SPRR2G: variants seen among roughly 807,000 people sequenced by gnomAD.
SPRR2G encodes small proline rich protein 2G.
A neutral mutation model predicts 0.7 loss-of-function variants in SPRR2G; 1 was observed. The ratio of observed to expected loss-of-function variants is 1.49; its 90% CI spans 0.53 to 7.06. The LOEUF is 7.06. Ranked by LOEUF, SPRR2G falls within the 30% of genes most tolerant of loss-of-function variation. The pLI is 0.14. For synonymous variants in SPRR2G, 38 were observed against 33.9 expected, an observed-to-expected ratio of 1.12 and a Z score of -0.42; for missense variants, 96 against 88.5, an observed-to-expected ratio of 1.09 and a Z score of -0.34.
the SPRR2G span, among the ~76,000 whole-genome samples, chr1:153,173,593 C>T: frequency 1.3e-5 from 2 of 152,128 alleles, no homozygotes. Context: ...AGGGAGGCAA[C>T]CAGATTTATT....
the SPRR2G span, among the ~76,000 whole-genome samples, chr1:153,170,284 C>T: frequency 6.6e-6 from 1 of 151,970 alleles, no homozygotes; most frequent in Non-Finnish European, 1.5e-5. Context: ...CTCCAAAGCT[C>T]CTTGAAAAAA....
chr1:153,164,373 C>A, the SPRR2G span, among the ~76,000 whole-genome samples: 1 of 152,150 alleles, frequency 6.6e-6, no homozygotes, highest in Non-Finnish European at 1.5e-5. Context: ...AGCAACTATT[C>A]CTGGAGAAAG....
chr1:153,152,262 A>G (rs1656487132), upstream of SPRR2G, among the ~76,000 whole-genome samples: 1 of 152,202 alleles, frequency 6.6e-6, no homozygotes, highest in Non-Finnish European at 1.5e-5. Flanking sequence ...AGGCCTATCT[A>G]GTGAAGATCC....
At chr1:153,174,961 A>G in the SPRR2G span, among the ~76,000 whole-genome samples, 1 of 152,216 alleles carries the variant, frequency 6.6e-6, no homozygotes, top group East Asian at 1.9e-4. Context: ...CTCAGGCAGC[A>G]GGCTGTACCC....
the SPRR2G span, among the ~76,000 whole-genome samples, chr1:153,180,427 T>C: frequency 6.6e-6 from 1 of 152,204 alleles, no homozygotes; most frequent in Non-Finnish European, 1.5e-5. Context: ...TGATTCATTT[T>C]CTGGTTTGTA....
At chr1:153,162,027 T>A in the SPRR2G span, among the ~76,000 whole-genome samples, 1 of 152,166 alleles carries the variant, frequency 6.6e-6, no homozygotes, top group African/African-American at 2.4e-5. Flanking sequence ...TATTTTAAGT[T>A]CAAGGGTACA....
chr1:153,184,403 T>C, the SPRR2G span, among the ~76,000 whole-genome samples: 1 of 152,224 alleles, frequency 6.6e-6, no homozygotes, highest in African/African-American at 2.4e-5. Flanking sequence ...TTTGTAGTTA[T>C]CCTTGAAGAG....
chr1:153,167,987 C>T, the SPRR2G span, among the ~76,000 whole-genome samples: 1 of 152,158 alleles, frequency 6.6e-6, no homozygotes, highest in Non-Finnish European at 1.5e-5. Context: ...ATAAATGGTT[C>T]CATGATCCCA....
At position 153,149,945 on chromosome 1, in the gene SPRR2G, G is replaced by C. The variant is rs764278344; in HGVS notation, c.166C>G (p.Pro56Ala). The C allele has an allele frequency of 5.0e-6, 8 of 1,613,952 alleles. No homozygotes were observed. The East Asian group carries it at 1.8e-4, about 36-fold the overall frequency. ...CAGGGTGGGTATGGTTGCACAGGAG[G>C]GCATTTATCCTGGCATGGTGGAGGT... ...CPPPPCQDKC[P>A]PVQPYPPCQQ... Residue 56 changes from proline to alanine, a missense_variant, in exon 2 of 2, where the codon CCT becomes GCT. Coordinates refer to ENST00000368748, the MANE Select transcript of SPRR2G (RefSeq NM_001014291.4).
the SPRR2G span, among the ~76,000 whole-genome samples, chr1:153,165,283 T>C: frequency 6.6e-6 from 1 of 152,044 alleles, no homozygotes; most frequent in African/African-American, 2.4e-5. Context: ...ATACAATAAA[T>C]AGGATATTCT....
the SPRR2G span, chr1:153,190,237 A>G: frequency 6.6e-6 from 1 of 152,274 alleles, no homozygotes. Context: ...TGTTAATACC[A>G]CTTATGCCAG....
At chr1:153,162,807 CTT>C in the SPRR2G span, among the ~76,000 whole-genome samples, 4 of 152,076 alleles carry the variant, frequency 2.6e-5, no homozygotes, top group South Asian at 8.3e-4. Context: ...TTCTATGTGT[CTT>C]TATATTTTAT....
chr1:153,196,810 G>C, the SPRR2G span, among the ~76,000 whole-genome samples: 1 of 152,240 alleles, frequency 6.6e-6, no homozygotes. Context: ...AACCTGCTGA[G>C]GGATTTTCTC....
At chr1:153,166,916 T>C in the SPRR2G span, among the ~76,000 whole-genome samples, 93 of 152,024 alleles carry the variant, frequency 6.1e-4, no homozygotes, top group Middle Eastern at 3.4e-3. Flanking sequence ...GATCTCTTCA[T>C]AAAAGTGTTT....
chr1:153,169,254 G>A, the SPRR2G span, among the ~76,000 whole-genome samples: 2,494 of 152,066 alleles, frequency 0.016, 73 homozygotes, highest in East Asian at 0.1. Flanking sequence ...GTAGACCGAC[G>A]TTCCTTCCTG....
At chr1:153,172,946 TAGAC>T in the SPRR2G span, among the ~76,000 whole-genome samples, 10 of 152,304 alleles carry the variant, frequency 6.6e-5, no homozygotes, top group East Asian at 5.8e-4. Flanking sequence ...AGTGCATAAA[TAGAC>T]AGGCGGACAA....
the SPRR2G span, among the ~76,000 whole-genome samples, chr1:153,167,413 G>C: frequency 1.3e-5 from 2 of 152,136 alleles, no homozygotes; most frequent in Non-Finnish European, 2.9e-5. Flanking sequence ...GGCAGAGGCT[G>C]TGGTGAGCCA....
the SPRR2G span, among the ~76,000 whole-genome samples, chr1:153,170,951 G>A: frequency 1.4e-4 from 21 of 152,170 alleles, no homozygotes; most frequent in Non-Finnish European, 1.8e-4. Context: ...AACTGACACA[G>A]AAATTCTCAA....
At chr1:153,150,223 C>A in intron 1 of SPRR2G, 92 bp from the exon 2 acceptor site, 1 of 1,527,404 alleles carries the variant, frequency 6.5e-7, no homozygotes, top group Non-Finnish European at 8.8e-7. Flanking sequence ...TATCTAGGGA[C>A]CAACTTTGAT....
Sources: gnomAD v4.1 joint callset for allele counts (sites outside exome capture counted in the v4.1 genomes callset) on GRCh38, gnomAD v4.1.1 for gene constraint, MANE v1.5 for transcripts, NCBI Gene and HGNC (gene_info 2026-07-23, HGNC 2026-07-21) for gene names.